The following ADAMTS9 variants were observed in gnomAD, a reference collection of about 807,000 sequenced individuals.
ADAMTS9 encodes ADAM metallopeptidase with thrombospondin type 1 motif 9.
ADAMTS9 carries 107 observed loss-of-function variants against 257.1 expected under a neutral mutation model. The observed-to-expected ratio is 0.42, with a 90% CI of 0.36 to 0.49. ADAMTS9 has a LOEUF of 0.49. Among genes scored for constraint, ADAMTS9 ranks in the 20% least tolerant of loss-of-function variants. The pLI is 0.03. For synonymous variants in ADAMTS9, 982 were observed against 880.9 expected (o/e 1.11, Z -2.03); for missense variants, 2,353 against 2,469.1 (o/e 0.95, Z 1.00).
chr3:64,524,481 A>G (rs2082886382), intron 38 of ADAMTS9, among the ~76,000 whole-genome samples: 1 of 152,230 alleles, frequency 6.6e-6, no homozygotes, highest in Admixed American at 6.5e-5. Flanking sequence ...TCACGTCAGC[A>G]TTAACAGATA....
chr3:64,608,604 T>A (rs1302406614), intron 22 of ADAMTS9, among the ~76,000 whole-genome samples: 8 of 151,914 alleles, frequency 5.3e-5, no homozygotes, highest in Non-Finnish European at 4.4e-5. Context: ...AAATAAAAAA[T>A]ATGAACGGAC....
chr3:64,610,016 A>C (rs2084636288), intron 22 of ADAMTS9, among the ~76,000 whole-genome samples: 1 of 152,228 alleles, frequency 6.6e-6, no homozygotes, highest in Non-Finnish European at 1.5e-5. Flanking sequence ...CTCAATGGAG[A>C]GAGAACAGCC....
chr3:64,555,349 T>C (rs1441581731), intron 30 of ADAMTS9, among the ~76,000 whole-genome samples: 2 of 151,946 alleles, frequency 1.3e-5, no homozygotes, highest in Non-Finnish European at 2.9e-5. Context: ...GAAATAATAC[T>C]ATGGAGACAC....
intron 28 of ADAMTS9, among the ~76,000 whole-genome samples, chr3:64,573,338 A>T (rs528452036): frequency 6.6e-6 from 1 of 152,166 alleles, no homozygotes; most frequent in Admixed American, 6.5e-5. Flanking sequence ...GGGGGTGCTG[A>T]CCAACTAGTC....
intron 28 of ADAMTS9, chr3:64,582,401 C>T (rs6445414): frequency 0.27 from 40,641 of 151,980 alleles, 6,192 homozygotes; most frequent in African/African-American, 0.39. Flanking sequence ...ATTTCACTTC[C>T]CTTTGAGGAG....
chr3:64,579,881 A>G (rs1374897464), intron 28 of ADAMTS9, among the ~76,000 whole-genome samples: 1 of 152,202 alleles, frequency 6.6e-6, no homozygotes, highest in Non-Finnish European at 1.5e-5. Flanking sequence ...AACTAAATGC[A>G]CAGGCGACAT....
chr3:64,647,121 GGATAACA>G (rs1412585505), intron 11 of ADAMTS9, among the ~76,000 whole-genome samples: 1 of 151,918 alleles, frequency 6.6e-6, no homozygotes, highest in East Asian at 1.9e-4. Flanking sequence ...ATATATATAA[GGATAACA>G]AAACACTCAG....
intron 3 of ADAMTS9, among the ~76,000 whole-genome samples, chr3:64,662,856 A>G (rs1701258176): frequency 1.3e-5 from 2 of 152,162 alleles, no homozygotes; most frequent in Admixed American, 1.3e-4. Flanking sequence ...TGCTGACATG[A>G]CACCACCAAG....
At position 64,616,565 on chromosome 3, in the gene ADAMTS9, C is replaced by T. The variant is rs562785074; in HGVS notation, c.2814-395G>A. On this transcript the variant is annotated intron_variant, in intron 19 of 39. Coordinates refer to ENST00000498707, the MANE Select transcript of ADAMTS9 (RefSeq NM_182920.2). ...ATATTTTATACAATTCAATTATACA[C>T]TTTAAAATTAGATTTGAATCTATAA... Among the ~76,000 whole-genome samples, 448 of 152,210 alleles carry T rather than the reference C, an allele frequency of 2.9e-3. 2 individuals are homozygous for T. The highest frequency in any genetic ancestry group is 9.9e-3 in the African/African-American group (413 of 41,528).
intron 3 of ADAMTS9, among the ~76,000 whole-genome samples, chr3:64,678,148 A>G (rs1256390259): frequency 6.6e-6 from 1 of 152,176 alleles, no homozygotes; most frequent in Non-Finnish European, 1.5e-5. Flanking sequence ...AGGCTAGGGA[A>G]GGTTCGGATG....
intron 29 of ADAMTS9, chr3:64,565,669 C>T (rs2083526873): frequency 6.6e-6 from 1 of 152,302 alleles, no homozygotes; most frequent in South Asian, 2.1e-4. Context: ...CTGTGAAACG[C>T]TTTTTGTATC....
chr3:64,686,207 C>T lies in ADAMTS9; in HGVS notation c.516+361G>A, dbSNP rs946504611. The stretch of plus-strand genomic sequence containing the variant: ...CTGGTCCGCCCTGCGCTCAGCGGCT[C>T]CGCTCCCGGGTGGCCAAGTTTGCTG... On this transcript the variant is annotated intron_variant, in intron 2 of 39. Transcript: ENST00000498707. The surrounding 1 kb of genome is among the most constrained non-coding windows in gnomAD (Gnocchi z 4.6). 2.0e-5 allele frequency among the ~76,000 whole-genome samples: 3 copies of T among 152,252 alleles called. No homozygotes were observed. Among genetic ancestry groups the T allele is most frequent in the African/African-American group, 7.2e-5 (3 of 41,468 alleles).
chr3:64,557,895 T>C (rs1158965873), intron 30 of ADAMTS9, among the ~76,000 whole-genome samples: 4 of 152,162 alleles, frequency 2.6e-5, no homozygotes, highest in Non-Finnish European at 5.9e-5. Flanking sequence ...CTACCCTATA[T>C]CTGAAAGTCT....
chr3:64,635,866 A>C (rs1559803452), intron 12 of ADAMTS9, among the ~76,000 whole-genome samples: 1 of 152,188 alleles, frequency 6.6e-6, no homozygotes. Flanking sequence ...AAAATATCAC[A>C]GATGACCCAT....
At chr3:64,639,160 C>T (rs2106913668) in intron 12 of ADAMTS9, among the ~76,000 whole-genome samples, 1 of 152,118 alleles carries the variant, frequency 6.6e-6, no homozygotes, top group Non-Finnish European at 1.5e-5. Context: ...CAAATTGACT[C>T]CCCCAGAGCC....
chr3:64,669,953 G>GA (rs934393688), intron 3 of ADAMTS9, among the ~76,000 whole-genome samples: 2 of 151,774 alleles, frequency 1.3e-5, no homozygotes, highest in African/African-American at 2.4e-5. Flanking sequence ...TGGCTTGAAA[G>GA]AAAAAAAAGT....
At chr3:64,577,383 C>T (rs1318039971) in intron 28 of ADAMTS9, among the ~76,000 whole-genome samples, 1 of 152,142 alleles carries the variant, frequency 6.6e-6, no homozygotes, top group African/African-American at 2.4e-5. Context: ...TGTAACCTGA[C>T]ATCAGCAGAA....
chr3:64,523,441 G>A (rs1455676072), intron 38 of ADAMTS9, among the ~76,000 whole-genome samples: 4 of 152,168 alleles, frequency 2.6e-5, no homozygotes, highest in Non-Finnish European at 4.4e-5. Context: ...ATAGTTTATG[G>A]AACAAGTACA....
intron 3 of ADAMTS9, among the ~76,000 whole-genome samples, chr3:64,674,918 C>T (rs1393187708): frequency 6.6e-6 from 1 of 152,168 alleles, no homozygotes; most frequent in African/African-American, 2.4e-5. Flanking sequence ...CAAGCATACA[C>T]TCCATCAGAG....
Sources: allele counts gnomAD v4.1 joint callset (sites outside exome capture counted in the v4.1 genomes callset), GRCh38; gene constraint gnomAD v4.1.1; non-coding constraint Gnocchi (gnomAD v3.1); transcripts MANE v1.5; gene names NCBI Gene and HGNC (gene_info 2026-07-23, HGNC 2026-07-21).